Variants in EEFSEC observed in about 807,000 individuals in gnomAD.
The protein encoded by EEFSEC is eukaryotic elongation factor, selenocysteine-tRNA specific, also known as selenocysteine-specific elongation factor.
EEFSEC carries 43 observed loss-of-function variants against 42.1 expected under a neutral mutation model. The ratio of observed to expected loss-of-function variants is 1.02; its 90% CI spans 0.80 to 1.32. The LOEUF (loss-of-function observed/expected upper bound fraction) is 1.32. Among genes scored for constraint, EEFSEC ranks in the 40% most tolerant of loss-of-function variants. EEFSEC has a pLI of 0.00. For synonymous variants in EEFSEC, 354 were observed against 339.1 expected, an observed-to-expected ratio of 1.04 and a Z score of -0.48; for missense variants, 745 against 803.6, an observed-to-expected ratio of 0.93 and a Z score of 0.88.
chr3:128,163,719 G>T (rs1479764011), intron 1 of EEFSEC, among the ~76,000 whole-genome samples: 1 of 151,676 alleles, frequency 6.6e-6, no homozygotes, highest in Non-Finnish European at 1.5e-5. Flanking sequence ...CCTCTCCCAG[G>T]CCTAGGCAAC....
intron 4 of EEFSEC, among the ~76,000 whole-genome samples, chr3:128,291,439 G>A (rs776071144): frequency 2.0e-5 from 3 of 151,844 alleles, no homozygotes; most frequent in African/African-American, 7.3e-5. Context: ...CCTTTTCTTT[G>A]CCCTTATGCC....
chr3:128,236,615 T>C (rs1408478910), intron 1 of EEFSEC, among the ~76,000 whole-genome samples: 5 of 152,242 alleles, frequency 3.3e-5, no homozygotes, highest in Non-Finnish European at 5.9e-5. Flanking sequence ...TGATGTCTTA[T>C]CATGTTTGAG....
chr3:128,326,897 C>A (rs953878440), intron 4 of EEFSEC, among the ~76,000 whole-genome samples: 5 of 152,190 alleles, frequency 3.3e-5, no homozygotes, highest in Admixed American at 6.5e-5. Flanking sequence ...CCTGTTAATT[C>A]TTTTGGGTTT....
chr3:128,422,824 CCAGA>C, the EEFSEC span, among the ~76,000 whole-genome samples: 1 of 152,222 alleles, frequency 6.6e-6, no homozygotes, highest in African/African-American at 2.4e-5. Context: ...CAGGCTGGTC[CCAGA>C]CAGTCACCAG....
intron 1 of EEFSEC, among the ~76,000 whole-genome samples, chr3:128,212,665 T>G (rs1016833377): frequency 3.9e-5 from 6 of 152,202 alleles, no homozygotes; most frequent in African/African-American, 1.2e-4. Flanking sequence ...TGCTTTGGCC[T>G]TCTGTTCAAT....
chr3:128,219,189 C>A (rs998754576), intron 1 of EEFSEC, among the ~76,000 whole-genome samples: 1 of 152,238 alleles, frequency 6.6e-6, no homozygotes, highest in Non-Finnish European at 1.5e-5. Context: ...CTGGCCCCAG[C>A]CACCTCATCT....
At chr3:128,326,108 A>T (rs1190663637) in intron 4 of EEFSEC, among the ~76,000 whole-genome samples, 1 of 152,210 alleles carries the variant, frequency 6.6e-6, no homozygotes, top group Non-Finnish European at 1.5e-5. Context: ...GGATAGAAGC[A>T]TGAGGGGTTT....
At chr3:128,382,498 CAGG>C (rs1559950553) in intron 6 of EEFSEC, among the ~76,000 whole-genome samples, 2 of 152,144 alleles carry the variant, frequency 1.3e-5, no homozygotes, top group Admixed American at 1.3e-4. Flanking sequence ...GTGTTTTTGA[CAGG>C]GGGGAGGTGA....
chr3:128,375,851 T>A (rs527594042), intron 6 of EEFSEC, among the ~76,000 whole-genome samples: 1 of 152,326 alleles, frequency 6.6e-6, no homozygotes, highest in African/African-American at 2.4e-5. Context: ...CACTGCTCAC[T>A]GTTGGATGAG....
intron 1 of EEFSEC, among the ~76,000 whole-genome samples, chr3:128,191,115 A>G (rs1216059062): frequency 6.6e-6 from 1 of 152,192 alleles, no homozygotes; most frequent in Non-Finnish European, 1.5e-5. Flanking sequence ...CACATTTCTC[A>G]GAATGTATCT....
At chr3:128,193,859 T>C (rs2065552955) in intron 1 of EEFSEC, among the ~76,000 whole-genome samples, 1 of 152,198 alleles carries the variant, frequency 6.6e-6, no homozygotes, top group Non-Finnish European at 1.5e-5. Context: ...TATCAGCAGA[T>C]GTGTTTTTCC....
Position 128,330,380 on chromosome 3 carries a change from G to A in EEFSEC, c.787-10853G>A, listed in dbSNP as rs550637291. Among the ~76,000 whole-genome samples the A allele has an allele frequency of 1.6e-4, 25 of 152,274 alleles. No individual in the cohort carries two copies. The South Asian group carries it at 4.1e-3, about 25-fold the overall frequency. The stretch of plus-strand genomic sequence containing the variant: ...TGTGGCAGGCACTGTGCTGAGGATC[G>A]GTGGTGAGCAAAATAAACCCAGCCT... On this transcript the variant is annotated intron_variant, in intron 4 of 6. Coordinates refer to ENST00000254730, the MANE Select transcript of EEFSEC (RefSeq NM_021937.5).
intron 1 of EEFSEC, among the ~76,000 whole-genome samples, chr3:128,191,452 A>AT (rs2065523800): frequency 6.6e-6 from 1 of 151,594 alleles, no homozygotes; most frequent in Admixed American, 6.6e-5. Context: ...GCCTGGGGGT[A>AT]TTTTTTTTAT....
the EEFSEC span, among the ~76,000 whole-genome samples, chr3:128,423,707 A>G: frequency 6.6e-6 from 1 of 152,214 alleles, no homozygotes; most frequent in Non-Finnish European, 1.5e-5. Flanking sequence ...CAGTGGAGAC[A>G]GTTTCTTTTC....
intron 6 of EEFSEC, among the ~76,000 whole-genome samples, chr3:128,390,638 A>T (rs1355172532): frequency 6.6e-6 from 1 of 152,292 alleles, no homozygotes; most frequent in East Asian, 1.9e-4. Context: ...CACAGCGGCC[A>T]CAATCTACCT....
chr3:128,393,551 G>A (rs1451910831), intron 6 of EEFSEC, among the ~76,000 whole-genome samples: 4 of 152,202 alleles, frequency 2.6e-5, no homozygotes. Flanking sequence ...AAGACCGGGG[G>A]GCAGCATATC....
At chr3:128,365,258 C>T (rs1450890056) in intron 6 of EEFSEC, among the ~76,000 whole-genome samples, 1 of 152,126 alleles carries the variant, frequency 6.6e-6, no homozygotes, top group Non-Finnish European at 1.5e-5. Context: ...GAGCCCTGGG[C>T]CAACACCCAG....
At chr3:128,419,996 A>G in the EEFSEC span, among the ~76,000 whole-genome samples, 2,928 of 152,264 alleles carry the variant, frequency 0.019, 97 homozygotes, top group African/African-American at 0.066. Flanking sequence ...AGAGTAAGGG[A>G]GAGCAACAGA....
chr3:128,271,334 C>T (rs1007701119), intron 4 of EEFSEC, among the ~76,000 whole-genome samples: 2 of 152,250 alleles, frequency 1.3e-5, no homozygotes, highest in Non-Finnish European at 2.9e-5. Context: ...TGGATATCGG[C>T]TCTCAAGGCT....
Sources: gnomAD v4.1 joint callset for allele counts (sites outside exome capture counted in the v4.1 genomes callset) on GRCh38, gnomAD v4.1.1 for gene constraint, MANE v1.5 for transcripts, NCBI Gene and HGNC (gene_info 2026-07-23, HGNC 2026-07-21) for gene names.